DHX8: variants seen among roughly 807,000 people sequenced by gnomAD.
The protein encoded by DHX8 is ATP-dependent RNA helicase DHX8.
In DHX8, 67 loss-of-function variants were observed where a neutral mutation model predicts 140.7. The observed-to-expected ratio is 0.48, with a 90% CI of 0.39 to 0.58. DHX8 has a LOEUF of 0.58. Among genes scored for constraint, DHX8 ranks in the 20% least tolerant of loss-of-function variants. The pLI is 0.00. For synonymous variants in DHX8, 533 were observed against 553.2 expected (o/e 0.96, Z 0.51); for missense variants, 887 against 1,550.7 (o/e 0.57, Z 7.19).
chr17:43,513,861 G>A (rs1023768823), intron 17 of DHX8, among the ~76,000 whole-genome samples: 1 of 151,788 alleles, frequency 6.6e-6, no homozygotes, highest in Non-Finnish European at 1.5e-5. Context: ...TTACAGGCAT[G>A]TGCCACCACA....
downstream of DHX8, chr17:43,526,617 G>C (rs764755189): frequency 6.5e-7 from 1 of 1,535,494 alleles, no homozygotes; most frequent in South Asian, 1.2e-5. Context: ...TCAGAGGGCA[G>C]AGGGCCATCA....
At chr17:43,500,397 G>A (rs974370329) in intron 11 of DHX8, among the ~76,000 whole-genome samples, 1 of 152,102 alleles carries the variant, frequency 6.6e-6, no homozygotes, top group African/African-American at 2.4e-5. Context: ...TGAGGCAGGA[G>A]AATCGCTTAA....
intron 3 of DHX8, among the ~76,000 whole-genome samples, chr17:43,541,037 G>A (rs193117510): frequency 6.4e-4 from 97 of 152,126 alleles, no homozygotes; most frequent in Non-Finnish European, 9.6e-4. Context: ...TTCCTGCCTC[G>A]GGCCTGACAG....
downstream of DHX8, chr17:43,525,943 G>T: frequency 1.0e-6 from 1 of 985,442 alleles, no homozygotes; most frequent in Non-Finnish European, 1.2e-6. Context: ...ATAAGAGACA[G>T]CAGGGTTCGT....
downstream of DHX8, chr17:43,529,008 G>A: frequency 1.1e-6 from 1 of 943,892 alleles, no homozygotes; most frequent in East Asian, 2.4e-5. Context: ...ACAATTTCTT[G>A]TCTCTCTGAC....
At chr17:43,512,559 G>A (rs1450896592) in intron 16 of DHX8, among the ~76,000 whole-genome samples, 1 of 152,158 alleles carries the variant, frequency 6.6e-6, no homozygotes, top group Non-Finnish European at 1.5e-5. Context: ...GGAAACATGG[G>A]AGGAGGCTTG....
chr17:43,515,134 G>C (rs1970040694), intron 17 of DHX8, among the ~76,000 whole-genome samples: 1 of 152,058 alleles, frequency 6.6e-6, no homozygotes, highest in South Asian at 2.1e-4. Flanking sequence ...ATTTGTGAAA[G>C]CCTTAAGGCT....
In DHX8 at chr17:43,498,078, T is replaced by C. The variant is rs145826547; in HGVS notation, c.1301-784T>C. On this transcript the variant is annotated intron_variant, in intron 9 of 22. Transcript: ENST00000262415. ...CAAATGCTCTAGAAATGGCTGGTGA[T>C]GGGGGAATAGTCACCTGGGTTAGAG... Among the ~76,000 whole-genome samples the C allele has an allele frequency of 1.8e-4, 27 of 152,018 alleles. No homozygotes were observed. The East Asian group carries it at 4.8e-3, about 27-fold the overall frequency.
At chr17:43,522,708 T>C (rs1189893195) in intron 22 of DHX8, among the ~76,000 whole-genome samples, 3 of 135,344 alleles carry the variant, frequency 2.2e-5, no homozygotes, top group East Asian at 2.2e-4. Context: ...AAATCACCCA[T>C]TGCACTCCAG....
chr17:43,510,155 T>C (rs1039464522), intron 16 of DHX8, among the ~76,000 whole-genome samples: 2 of 151,924 alleles, frequency 1.3e-5, no homozygotes, highest in African/African-American at 2.4e-5. Context: ...TTCAAGTGAT[T>C]CTCCTGCCTC....
chr17:43,493,428 G>A lies in DHX8; in HGVS notation c.864-17G>A. ...ATATTTTTTGGCATGTTCCAGATGTGTCTGGCTCTCCCTCAGGAAGCGGTG... is the reference window on the plus strand; with the variant it reads ...ATATTTTTTGGCATGTTCCAGATGTATCTGGCTCTCCCTCAGGAAGCGGTG... On this transcript the variant is annotated splice_polypyrimidine_tract_variant and intron_variant, in intron 6 of 22. Coordinates refer to ENST00000262415, the MANE Select transcript of DHX8 (RefSeq NM_004941.3). 1 of 1,613,772 alleles carries A rather than the reference G, an allele frequency of 6.2e-7. No individual in the cohort carries two copies. Among genetic ancestry groups the A allele is most frequent in the Non-Finnish European group, 8.5e-7 (1 of 1,179,872 alleles).
chr17:43,496,026 A>G (rs539699472), intron 8 of DHX8, among the ~76,000 whole-genome samples, 155 bp from the exon 9 acceptor site: 1 of 152,228 alleles, frequency 6.6e-6, no homozygotes, highest in Admixed American at 6.6e-5. Context: ...TGAGCCCAGG[A>G]GTTTGAGGTT....
At chr17:43,533,330 T>A in intron 2 of DHX8, 1 of 1,613,300 alleles carries the variant, frequency 6.2e-7, no homozygotes, top group South Asian at 1.1e-5. Context: ...TGGCGATTTG[T>A]CTGGGGGGGT....
At chr17:43,521,736 G>A (rs1303518236) in intron 21 of DHX8, among the ~76,000 whole-genome samples, 171 bp downstream of exon 21, 1 of 151,876 alleles carries the variant, frequency 6.6e-6, no homozygotes, top group Non-Finnish European at 1.5e-5. Context: ...CCCAAGTAAG[G>A]GTATGCCTGA....
chr17:43,526,312 C>T, downstream of DHX8: 1 of 1,418,650 alleles, frequency 7.0e-7, no homozygotes, highest in South Asian at 1.5e-5. Flanking sequence ...TGTTCACCCC[C>T]ACCCCGCGAG....
At chr17:43,501,850 G>A (rs1277920193) in intron 11 of DHX8, among the ~76,000 whole-genome samples, 1 of 152,180 alleles carries the variant, frequency 6.6e-6, no homozygotes, top group Non-Finnish European at 1.5e-5. Context: ...AAGGATGATT[G>A]AGGGTGCCCT....
Position 43,523,114 on chromosome 17 carries a change from A to T in DHX8, c.3444-514A>T, listed in dbSNP as rs536206914. Reference sequence around the variant, plus strand: ...AAACAACTACCTAGTGATGTAGTTTAAAAAAAAAAACTTGTTTTAAAGTAG... The same window carrying T: ...AAACAACTACCTAGTGATGTAGTTTTAAAAAAAAAACTTGTTTTAAAGTAG... On this transcript the variant is annotated intron_variant, in intron 22 of 22. Coordinates refer to ENST00000262415, the MANE Select transcript of DHX8 (RefSeq NM_004941.3). Among the ~76,000 whole-genome samples the T allele has an allele frequency of 4.8e-3, 700 of 146,882 alleles. 6 individuals carry two copies. The highest frequency in any genetic ancestry group is 4.0e-3 in the Non-Finnish European group (265 of 66,316).
At chr17:43,533,331 C>T (rs1567710070) in intron 2 of DHX8, 1 of 1,613,400 alleles carries the variant, frequency 6.2e-7, no homozygotes, top group Non-Finnish European at 8.5e-7. Context: ...GGCGATTTGT[C>T]TGGGGGGGTC....
chr17:43,527,159 T>C (rs1471551212), downstream of DHX8, among the ~76,000 whole-genome samples: 2 of 152,200 alleles, frequency 1.3e-5, no homozygotes, highest in African/African-American at 2.4e-5. Flanking sequence ...TTGCCATTTC[T>C]ACCTACCCCC....
Sources: gnomAD v4.1 joint callset for allele counts (sites outside exome capture counted in the v4.1 genomes callset) on GRCh38, gnomAD v4.1.1 for gene constraint, MANE v1.5 for transcripts, NCBI Gene and HGNC (gene_info 2026-07-23, HGNC 2026-07-21) for gene names.